Variants in HSD17B12 observed in about 807,000 individuals in gnomAD.
The protein encoded by HSD17B12 is hydroxysteroid 17-beta dehydrogenase 12, also known as very-long-chain 3-oxoacyl-CoA reductase.
HSD17B12 carries 32 observed loss-of-function variants against 39.3 expected under a neutral mutation model. The ratio of observed to expected loss-of-function variants is 0.81; its 90% confidence interval spans 0.61 to 1.09. HSD17B12 has a LOEUF of 1.09. HSD17B12 is among the 50% of genes least tolerant of loss of function. The probability of loss-of-function intolerance (pLI) is 0.00; values close to 1 mark genes in which losing one functional copy is unlikely to be tolerated. For missense variants in HSD17B12, 342 were observed against 382.9 expected (o/e 0.89, Z 0.89); for synonymous variants, 150 against 146.7 (o/e 1.02, Z -0.16).
At chr11:43,816,246 C>G in intron 5 of HSD17B12, 101 bp from the exon 6 acceptor site, 1 of 982,046 alleles carries the variant, frequency 1.0e-6, no homozygotes, top group Non-Finnish European at 1.4e-6. Flanking sequence ...TCTGCAATAT[C>G]TGGGGAAATG....
chr11:43,785,848 A>G (rs561750401), intron 3 of HSD17B12, among the ~76,000 whole-genome samples: 1 of 152,168 alleles, frequency 6.6e-6, no homozygotes. Flanking sequence ...AACTTTATGC[A>G]TTGATCACTT....
At chr11:43,754,720 A>G (rs1230287187) in intron 3 of HSD17B12, among the ~76,000 whole-genome samples, 1 of 152,124 alleles carries the variant, frequency 6.6e-6, no homozygotes, top group Non-Finnish European at 1.5e-5. Flanking sequence ...AAATGTCTAA[A>G]CTTGTTTGCT....
chr11:43,834,856 C>T (rs1405985985), intron 7 of HSD17B12, among the ~76,000 whole-genome samples: 1 of 151,882 alleles, frequency 6.6e-6, no homozygotes, highest in African/African-American at 2.4e-5. Context: ...AGGTACTTTC[C>T]TGTCAGCAAT....
At chr11:43,648,353 AT>A in the HSD17B12 span, among the ~76,000 whole-genome samples, 1 of 152,070 alleles carries the variant, frequency 6.6e-6, no homozygotes, top group African/African-American at 2.4e-5. Context: ...TAAATATTGA[AT>A]TTCTTTTTTG....
chr11:43,842,196 C>T (rs1951433122), intron 9 of HSD17B12, among the ~76,000 whole-genome samples: 1 of 152,176 alleles, frequency 6.6e-6, no homozygotes. Flanking sequence ...CCATTTCCTC[C>T]TTTATGCCTG....
At chr11:43,594,542 T>C in the HSD17B12 span, among the ~76,000 whole-genome samples, 1 of 151,604 alleles carries the variant, frequency 6.6e-6, no homozygotes, top group Non-Finnish European at 1.5e-5. Flanking sequence ...TTTTTTTTCC[T>C]TCCTTTTAAA....
At position 43,757,941 on chromosome 11, in the gene HSD17B12, G is replaced by C. The variant is rs187998541; in HGVS notation, c.283+3820G>C. Among the ~76,000 whole-genome samples the C allele has an allele frequency of 5.1e-4, 78 of 152,160 alleles. No individual in the cohort carries two copies. In the East Asian group the frequency reaches 5.8e-3, roughly 11 times the overall value. On this transcript the variant is annotated intron_variant, in intron 3 of 10. Coordinates refer to ENST00000278353, the MANE Select transcript of HSD17B12 (RefSeq NM_016142.3). ...AAAGACCTATCCTCTGGGCCCATTT[G>C]GGGGTATAATGGTGGAGGGATTGTG...
At chr11:43,789,372 T>C (rs1950845741) in intron 3 of HSD17B12, among the ~76,000 whole-genome samples, 1 of 152,186 alleles carries the variant, frequency 6.6e-6, no homozygotes, top group South Asian at 2.1e-4. Context: ...TTTATTGAGC[T>C]CCTATAAAGT....
intron 3 of HSD17B12, among the ~76,000 whole-genome samples, chr11:43,764,820 T>A (rs986450691): frequency 1.3e-5 from 2 of 152,146 alleles, no homozygotes; most frequent in Non-Finnish European, 2.9e-5. Context: ...GGGTTTCTTA[T>A]GGACAGCATA....
intron 3 of HSD17B12, among the ~76,000 whole-genome samples, chr11:43,793,724 G>A (rs903408676): frequency 1.3e-5 from 2 of 152,138 alleles, no homozygotes; most frequent in Non-Finnish European, 2.9e-5. Context: ...TTCCTTTTCT[G>A]TCAATTCCAG....
At chr11:43,782,550 C>G (rs1950775835) in intron 3 of HSD17B12, among the ~76,000 whole-genome samples, 1 of 151,966 alleles carries the variant, frequency 6.6e-6, no homozygotes, top group African/African-American at 2.4e-5. Context: ...GTGGCACGAG[C>G]CTGTAGTCCC....
the HSD17B12 span, among the ~76,000 whole-genome samples, chr11:43,658,606 C>G: frequency 6.6e-6 from 1 of 152,196 alleles, no homozygotes; most frequent in African/African-American, 2.4e-5. Flanking sequence ...AGTTTTCCTT[C>G]TAACAGTCAG....
chr11:43,774,504 C>T (rs921600570), intron 3 of HSD17B12, among the ~76,000 whole-genome samples: 9 of 152,120 alleles, frequency 5.9e-5, no homozygotes, highest in African/African-American at 2.2e-4. Context: ...TGAGCCACCA[C>T]GCCTGGCCAA....
the HSD17B12 span, among the ~76,000 whole-genome samples, chr11:43,599,427 G>A: frequency 0.012 from 1,837 of 152,090 alleles, 21 homozygotes; most frequent in Non-Finnish European, 0.017. Context: ...TTCTTTTTTA[G>A]TTTTTATTTT....
At chr11:43,637,989 C>T in the HSD17B12 span, among the ~76,000 whole-genome samples, 1 of 151,484 alleles carries the variant, frequency 6.6e-6, no homozygotes. Context: ...GTAGATCTGC[C>T]TCTGTGGCAT....
chr11:43,724,733 T>G (rs1950206001), intron 1 of HSD17B12, among the ~76,000 whole-genome samples: 1 of 152,142 alleles, frequency 6.6e-6, no homozygotes. Flanking sequence ...GCTAGTACCA[T>G]CACCTTGTGG....
At chr11:43,805,270 A>T (rs1565095847) in intron 4 of HSD17B12, among the ~76,000 whole-genome samples, 1 of 148,394 alleles carries the variant, frequency 6.7e-6, no homozygotes, top group Non-Finnish European at 1.5e-5. Context: ...TAAAGGGCTA[A>T]TGGCACCTGT....
chr11:43,719,629 T>C (rs115256249), intron 1 of HSD17B12, among the ~76,000 whole-genome samples: 4 of 79,408 alleles, frequency 5.0e-5, no homozygotes, highest in African/African-American at 1.5e-4. Flanking sequence ...AAAAAAAAAA[T>C]ATATATATAT....
intron 1 of HSD17B12, among the ~76,000 whole-genome samples, chr11:43,737,791 C>T (rs1343868260): frequency 2.0e-5 from 3 of 152,042 alleles, no homozygotes; most frequent in Non-Finnish European, 4.4e-5. Context: ...GTGAACTGTC[C>T]GGCCAGGCGC....
Sources: gnomAD v4.1 joint callset for allele counts (sites outside exome capture counted in the v4.1 genomes callset) on GRCh38, gnomAD v4.1.1 for gene constraint, MANE v1.5 for transcripts, NCBI Gene and HGNC (gene_info 2026-07-23, HGNC 2026-07-21) for gene names.